The following RASSF3 variants were observed in gnomAD, a reference collection of about 807,000 sequenced individuals.
RASSF3 encodes the protein ras association domain-containing protein 3.
RASSF3 carries 19 observed loss-of-function variants against 19.9 expected under a neutral mutation model. The observed-to-expected ratio is 0.96, with a 90% CI of 0.67 to 1.40. The LOEUF (loss-of-function observed/expected upper bound fraction) is 1.40, where lower values mean the gene tolerates loss of function less well. RASSF3 is among the 40% of genes most tolerant of loss of function. RASSF3 has a pLI of 0.00. For missense variants in RASSF3, 306 were observed against 289.8 expected (o/e 1.06, Z -0.41); for synonymous variants, 110 against 104.2 (o/e 1.06, Z -0.34).
intron 2 of RASSF3, among the ~76,000 whole-genome samples, chr12:64,599,880 A>C (rs1249782728): frequency 1.3e-5 from 2 of 151,468 alleles, no homozygotes; most frequent in East Asian, 3.9e-4. Context: ...AAAATACAAA[A>C]AATTAGCCGG....
chr12:64,609,021 T>C (rs535647198), upstream of RASSF3, among the ~76,000 whole-genome samples: 1 of 152,122 alleles, frequency 6.6e-6, no homozygotes, highest in Non-Finnish European at 1.5e-5. Context: ...TGGGGTAATA[T>C]ATACTAGTTT....
chr12:64,618,000 T>A (rs978470079), intron 1 of RASSF3, among the ~76,000 whole-genome samples: 2 of 152,218 alleles, frequency 1.3e-5, no homozygotes, highest in African/African-American at 2.4e-5. Context: ...AAATGTTTTT[T>A]AAATAACTTC....
At chr12:64,653,948 A>G (rs1872055215) in intron 1 of RASSF3, 1 of 152,218 alleles carries the variant, frequency 6.6e-6, no homozygotes. Flanking sequence ...CTCAAGAATC[A>G]CCGGGTTGGT....
At chr12:64,595,086 T>TTTTC (rs2136142361) in intron 2 of RASSF3, among the ~76,000 whole-genome samples, 1 of 148,470 alleles carries the variant, frequency 6.7e-6, no homozygotes, top group East Asian at 2.0e-4. Flanking sequence ...TTTTTTTTTT[T>TTTTC]TGAGACAGTC....
At chr12:64,663,154 C>T (rs1159671710) in intron 1 of RASSF3, among the ~76,000 whole-genome samples, 2 of 152,158 alleles carry the variant, frequency 1.3e-5, no homozygotes, top group Non-Finnish European at 1.5e-5. Flanking sequence ...ATGTTGATCT[C>T]TCTCTACCCC....
At chr12:64,526,020 C>T (rs949619373) in intron 1 of RASSF3, among the ~76,000 whole-genome samples, 1 of 152,086 alleles carries the variant, frequency 6.6e-6, no homozygotes, top group Non-Finnish European at 1.5e-5. Flanking sequence ...CTAACGATTC[C>T]TAGAATTGCC....
intron 4 of RASSF3, among the ~76,000 whole-genome samples, chr12:64,693,026 A>G (rs1868306533): frequency 6.6e-6 from 1 of 152,150 alleles, no homozygotes; most frequent in Non-Finnish European, 1.5e-5. Flanking sequence ...TGGGAGGGAT[A>G]TTTATATGAT....
intron 2 of RASSF3, among the ~76,000 whole-genome samples, chr12:64,687,516 C>T (rs1873405813): frequency 6.6e-6 from 1 of 151,222 alleles, no homozygotes; most frequent in Non-Finnish European, 1.5e-5. Flanking sequence ...GCTCTGTCGC[C>T]CAGGCTGGAG....
chr12:64,556,863 G>A (rs1311852472), intron 2 of RASSF3, among the ~76,000 whole-genome samples: 1 of 123,664 alleles, frequency 8.1e-6, no homozygotes, highest in Non-Finnish European at 1.6e-5. Flanking sequence ...TTTGAGACAA[G>A]TCTTGCTCCG....
intron 1 of RASSF3, among the ~76,000 whole-genome samples, chr12:64,656,287 T>C (rs1872155837): frequency 6.6e-6 from 1 of 152,088 alleles, no homozygotes; most frequent in African/African-American, 2.4e-5. Context: ...CTTAAAAACA[T>C]ATTATTGGGC....
intron 2 of RASSF3, among the ~76,000 whole-genome samples, chr12:64,586,095 T>C (rs1293279124): frequency 6.7e-6 from 1 of 150,162 alleles, no homozygotes; most frequent in Non-Finnish European, 1.5e-5. Context: ...GAGGGGGAGG[T>C]GGGTGGATCA....
intron 1 of RASSF3, among the ~76,000 whole-genome samples, chr12:64,634,275 G>C (rs1041528939): frequency 3.3e-5 from 5 of 150,224 alleles, no homozygotes; most frequent in Non-Finnish European, 7.4e-5. Flanking sequence ...CAGAGGGTCT[G>C]CTGCTGTGAG....
chr12:64,571,825 C>T (rs1869523706), intron 2 of RASSF3, among the ~76,000 whole-genome samples: 1 of 152,166 alleles, frequency 6.6e-6, no homozygotes, highest in Non-Finnish European at 1.5e-5. Context: ...AAGTGCTTGG[C>T]CATGCCCAGC....
At chr12:64,602,811 C>T (rs1209016380) in intron 2 of RASSF3, among the ~76,000 whole-genome samples, 1 of 151,704 alleles carries the variant, frequency 6.6e-6, no homozygotes, top group African/African-American at 2.4e-5. Flanking sequence ...CTCCCAAACT[C>T]AGGGTGTAGG....
At chr12:64,595,892 A>G (rs1216787827) in intron 2 of RASSF3, among the ~76,000 whole-genome samples, 2 of 152,202 alleles carry the variant, frequency 1.3e-5, no homozygotes, top group East Asian at 3.8e-4. Context: ...AAGGCAGGTC[A>G]TAGAAACCAG....
intron 2 of RASSF3, among the ~76,000 whole-genome samples, chr12:64,550,664 A>C (rs986676639): frequency 6.6e-6 from 1 of 151,622 alleles, no homozygotes; most frequent in African/African-American, 2.4e-5. Context: ...CCAAAAAACG[A>C]AAAGAAAAAG....
intron 1 of RASSF3, among the ~76,000 whole-genome samples, chr12:64,516,915 A>C (rs1201649221): frequency 6.8e-6 from 1 of 147,528 alleles, no homozygotes; most frequent in East Asian, 2.1e-4. Context: ...AGGAGAATCA[A>C]TTGAACCTGG....
intron 2 of RASSF3, among the ~76,000 whole-genome samples, chr12:64,604,073 C>G (rs1592414636): frequency 6.6e-6 from 1 of 151,434 alleles, no homozygotes; most frequent in African/African-American, 2.4e-5. Flanking sequence ...GTCTCGATCT[C>G]CTGACCTCAT....
rs147473484 is a variant in RASSF3 at position 64,694,949 on chromosome 12, C to T, written c.*37C>T. The T allele has an allele frequency of 3.6e-4, 577 of 1,603,780 alleles. 4 individuals are homozygous for T. The East Asian group carries it at 0.012, about 34-fold the overall frequency. ...CTGCCCGTGAGGCCCGGTGCAGGACCGATGTACAAAACAGCAGCAAGTGCC... is the reference window on the plus strand; with the variant it reads ...CTGCCCGTGAGGCCCGGTGCAGGACTGATGTACAAAACAGCAGCAAGTGCC... On this transcript the variant is annotated 3_prime_UTR_variant, in exon 5 of 5. Coordinates refer to ENST00000542104, the MANE Select transcript of RASSF3 (RefSeq NM_178169.4).
Sources: allele counts gnomAD v4.1 joint callset (sites outside exome capture counted in the v4.1 genomes callset), GRCh38; gene constraint gnomAD v4.1.1; transcripts MANE v1.5; gene names NCBI Gene and HGNC (gene_info 2026-07-23, HGNC 2026-07-21).